Variants in DNHD1 observed in about 807,000 individuals in gnomAD.
DNHD1 encodes the protein dynein heavy chain domain 1, also known as dynein heavy chain domain-containing protein 1.
Under a neutral mutation model 458.1 loss-of-function variants are expected in DNHD1, and 383 were observed. That is an observed-to-expected ratio of 0.84 (90% CI 0.77 to 0.91). The LOEUF is 0.91. Among genes scored for constraint, DNHD1 ranks in the 40% least tolerant of loss-of-function variants. The pLI, the probability that DNHD1 is intolerant of heterozygous loss-of-function variation, is 0.00. For missense variants in DNHD1, 5,336 were observed against 5,866.1 expected, an observed-to-expected ratio of 0.91 and a Z score of 2.95; for synonymous variants, 2,203 against 2,376.9, an observed-to-expected ratio of 0.93 and a Z score of 2.13.
chr11:6,557,886 G>A lies in DNHD1; in HGVS notation c.8591G>A (p.Arg2864Gln), dbSNP rs769765609. 7.6e-5 allele frequency: 118 copies of A among 1,550,948 alleles called. No homozygotes were observed. The highest frequency in any genetic ancestry group is 1.2e-4 in the South Asian group (10 of 84,052). Residue 2864 changes from arginine to glutamine, a missense_variant, in exon 25 of 43, where the codon CGG (arginine) becomes CAG (glutamine). Physicochemically the swap from Arg to Gln is conservative, Grantham distance 43 (BLOSUM62 1). This residue lies in a region of DNHD1 where 3,932 missense variants were observed against 4,365.6 expected (regional missense o/e 0.90). Coordinates refer to ENST00000254579, the MANE Select transcript of DNHD1 (RefSeq NM_144666.3). ...CTGAAGTTGAGCCCCCACCTGGCCCGGTGTCATTCCATGGCCCAGCACGTG... is the reference window on the plus strand; with the variant it reads ...CTGAAGTTGAGCCCCCACCTGGCCCAGTGTCATTCCATGGCCCAGCACGTG... The part of the protein sequence containing the change: ...AQLKLSPHLA[R>Q]CHSMAQHVAR...
intron 10 of DNHD1, among the ~76,000 whole-genome samples, chr11:6,522,599 T>C (rs1331610885): frequency 6.6e-6 from 1 of 152,142 alleles, no homozygotes; most frequent in Admixed American, 6.5e-5. Flanking sequence ...CCTGCACATG[T>C]ACCCCGGAAT....
intron 14 of DNHD1, among the ~76,000 whole-genome samples, chr11:6,537,382 T>C (rs1384305730): frequency 2.6e-5 from 4 of 152,156 alleles, no homozygotes; most frequent in African/African-American, 4.8e-5. Flanking sequence ...TCAACACATA[T>C]TTGTTGAGAG....
chr11:6,543,230 ACCT>A (rs1194906574), intron 18 of DNHD1, among the ~76,000 whole-genome samples: 2 of 151,336 alleles, frequency 1.3e-5, no homozygotes, highest in Admixed American at 1.3e-4. Context: ...GTCTGAATAA[ACCT>A]CCTTTCTTGA....
chr11:6,540,129 CCAT>C, intron 18 of DNHD1, 46 bp downstream of exon 18: 1 of 1,492,762 alleles, frequency 6.7e-7, no homozygotes, highest in Non-Finnish European at 9.1e-7. Context: ...CTGCTGGGGG[CCAT>C]TTTCATCCAC....
intron 37 of DNHD1, 42 bp downstream of exon 37, chr11:6,568,284 C>T: frequency 6.5e-7 from 1 of 1,530,056 alleles, no homozygotes; most frequent in Non-Finnish European, 8.8e-7. Flanking sequence ...TCCTATCCTA[C>T]ACTTGGGCCT....
At chr11:6,520,582 T>C (rs1852586195) in intron 10 of DNHD1, 1 of 1,237,818 alleles carries the variant, frequency 8.1e-7, no homozygotes, top group East Asian at 3.4e-5. Context: ...CTGTGAGGTT[T>C]TTCTCCAGTG....
At position 6,571,994 on chromosome 11, in the gene DNHD1, T is replaced by C; in HGVS notation, c.*8T>C. ...AGCCCACCCCTGTCTTGAGCCCGTC[T>C]ACCAAAATAAAGTTGTAGTGATTCC... On this transcript the variant is annotated 3_prime_UTR_variant, in exon 43 of 43. Coordinates refer to ENST00000254579, the MANE Select transcript of DNHD1 (RefSeq NM_144666.3). The surrounding 1 kb of genome is among the most constrained non-coding windows in gnomAD (Gnocchi z 5.0). 1.9e-6 allele frequency: 3 copies of C among 1,589,970 alleles called. No homozygotes were observed. The highest frequency in any genetic ancestry group is 2.6e-6 in the Non-Finnish European group (3 of 1,164,214).
At position 6,571,410 on chromosome 11, in the gene DNHD1, C is replaced by T. The variant is rs781361371; in HGVS notation, c.13898C>T (p.Pro4633Leu). 5.0e-6 allele frequency: 8 copies of T among 1,599,598 alleles called. No individual in the cohort carries two copies. The Admixed American group carries it at 1.2e-4, about 24-fold the overall frequency. Residue 4633 changes from proline to leucine, a missense_variant, in exon 42 of 43, where the codon CCT (proline) becomes CTT (leucine). By Grantham distance (98) the Pro-to-Leu change is moderately conservative (BLOSUM62 -3). This residue lies in a region of DNHD1 where 698 missense variants were observed against 664.9 expected (regional missense o/e 1.05). Coordinates refer to ENST00000254579, the MANE Select transcript of DNHD1 (RefSeq NM_144666.3). The surrounding 1 kb of genome is among the most constrained non-coding windows in gnomAD (Gnocchi z 5.0). ...QYKRLEMNSN[P>L]LHFRVENGPN... is the part of the protein sequence containing the mutation. ...AAACGTCTGGAGATGAACAGCAACC[C>T]TCTGCACTTCAGGGTATCTTCGCGC...
In DNHD1 at chr11:6,547,220, G is replaced by A. The variant is rs765344594; in HGVS notation, c.6281G>A (p.Trp2094Ter). ...TGTGATGGAGCCTCCAATGGTGCTT[G>A]GCTGGACTCCATCACTTGCCTCCTG... ...IICDGASNGA[W>*]LDSITCLLSE... Residue 2094 changes from tryptophan to a stop codon, truncating the protein, a stop_gained, in exon 21 of 43, where the codon TGG (tryptophan) becomes TAG (stop). Transcript: ENST00000254579. LOFTEE classifies it high-confidence loss of function. 1 of 1,551,766 alleles carries A rather than the reference G, an allele frequency of 6.4e-7. No homozygotes were observed. Among genetic ancestry groups the A allele is most frequent in the Non-Finnish European group, 8.7e-7 (1 of 1,147,018 alleles).
Position 6,498,235 on chromosome 11 carries a change from G to C in DNHD1, c.20G>C (p.Arg7Thr), listed in dbSNP as rs866476144. 1 of 1,613,288 alleles carries C rather than the reference G, an allele frequency of 6.2e-7. No homozygotes were observed. Among genetic ancestry groups the C allele is most frequent in the Non-Finnish European group, 8.5e-7 (1 of 1,179,354 alleles). The change falls in exon 3 of 43, where the codon AGG (arginine) becomes ACG (threonine). Residue 7 changes from arginine (R) to threonine (T), a missense_variant. By Grantham distance (71) the Arg-to-Thr change is moderately conservative (BLOSUM62 -1). Around this residue, in one of 4 missense-constraint regions of DNHD1, gnomAD observed 3,932 missense variants for 4,365.6 expected, o/e 0.90. Coordinates refer to ENST00000254579, the MANE Select transcript of DNHD1 (RefSeq NM_144666.3). MVPEER[R>T]VGLSSDETSS... ...CTCCTCATGGTCCCGGAGGAGAGGA[G>C]GGTAGGTTTGTCTTCTGATGAGACA...
Position 6,546,737 on chromosome 11 carries a change from G to T in DNHD1, c.5798G>T (p.Cys1933Phe), listed in dbSNP as rs776367614. The T allele has an allele frequency of 8.3e-5, 129 of 1,551,670 alleles. No individual in the cohort carries two copies. The highest frequency in any genetic ancestry group is 1.0e-4 in the Non-Finnish European group (119 of 1,147,014). The change falls in exon 21 of 43, where the codon TGT becomes TTT. Residue 1933 changes from cysteine (C) to phenylalanine (F), a missense_variant. This residue lies in a region of DNHD1 where 3,932 missense variants were observed against 4,365.6 expected (regional missense o/e 0.90). Coordinates refer to ENST00000254579, the MANE Select transcript of DNHD1 (RefSeq NM_144666.3). ...LHLHNLRGLL[C>F]ALFPSASQVL... ...CTGCACAACCTCCGAGGGCTGTTGT[G>T]TGCGCTTTTCCCTAGCGCCAGCCAA...
intron 24 of DNHD1, among the ~76,000 whole-genome samples, chr11:6,549,712 C>T (rs910395344): frequency 6.6e-6 from 1 of 152,238 alleles, no homozygotes; most frequent in African/African-American, 2.4e-5. Flanking sequence ...TTATTGTATG[C>T]TTGCCTATCT....
chr11:6,512,416 G>A (rs1472157459), intron 7 of DNHD1, among the ~76,000 whole-genome samples: 3 of 151,582 alleles, frequency 2.0e-5, no homozygotes, highest in African/African-American at 7.3e-5. Flanking sequence ...TAGAGATGGG[G>A]TTTCACTGTG....
At position 6,552,676 on chromosome 11, in the gene DNHD1, G is replaced by A. The variant is rs771071461; in HGVS notation, c.7387+3743G>A. Among the ~76,000 whole-genome samples, 9 of 152,010 alleles carry A rather than the reference G, an allele frequency of 5.9e-5. No individual in the cohort carries two copies. In the South Asian group the frequency reaches 1.9e-3, roughly 31 times the overall value. ...CGGGGGCGGGGTGGGGTGAAGAGATGTACCATCAGAACTTATGAGAAATTG... is the reference window on the plus strand; with the variant it reads ...CGGGGGCGGGGTGGGGTGAAGAGATATACCATCAGAACTTATGAGAAATTG... On this transcript the variant is annotated intron_variant, in intron 24 of 42. Coordinates refer to ENST00000254579, the MANE Select transcript of DNHD1 (RefSeq NM_144666.3).
chr11:6,546,917 C>T lies in DNHD1; in HGVS notation c.5978C>T (p.Pro1993Leu). The T allele has an allele frequency of 6.4e-7, 1 of 1,551,614 alleles. No individual in the cohort carries two copies. Among genetic ancestry groups the T allele is most frequent in the Non-Finnish European group, 8.7e-7 (1 of 1,146,930 alleles). ...SRASGILLLG[P>L]AGSGKTTCWH... ...GCCTCAGGCATTCTGCTCCTGGGCC[C>T]TGCGGGCAGCGGCAAGACCACTTGT... The change falls in exon 21 of 43, where the codon CCT becomes CTT. Residue 1993 changes from proline (P) to leucine (L), a missense_variant. This residue lies in a region of DNHD1 where 3,932 missense variants were observed against 4,365.6 expected (regional missense o/e 0.90). Coordinates refer to ENST00000254579, the MANE Select transcript of DNHD1 (RefSeq NM_144666.3).
intron 6 of DNHD1, 96 bp downstream of exon 6, chr11:6,509,368 A>G: frequency 8.9e-7 from 1 of 1,126,082 alleles, no homozygotes; most frequent in Non-Finnish European, 1.2e-6. Flanking sequence ...AAGATACAAA[A>G]AAGCACTAAG....
chr11:6,520,164 C>T, intron 9 of DNHD1, 62 bp downstream of exon 9: 2 of 1,611,180 alleles, frequency 1.2e-6, no homozygotes, highest in South Asian at 1.1e-5. Flanking sequence ...TCTGAGTAAT[C>T]AGAAGCTCAC....
chr11:6,558,458 G>A lies in DNHD1; in HGVS notation c.9003-27G>A. 1.9e-6 allele frequency: 3 copies of A among 1,550,628 alleles called. No individual in the cohort carries two copies. The South Asian group carries it at 3.6e-5, about 18-fold the overall frequency. On this transcript the variant is annotated intron_variant, in intron 25 of 42. Coordinates refer to ENST00000254579, the MANE Select transcript of DNHD1 (RefSeq NM_144666.3). ...GAGGGGCAAGCAAAGGTAAAGGGGAGGACATTAGCTGAGCCCTGGCCCACA... is the reference window on the plus strand; with the variant it reads ...GAGGGGCAAGCAAAGGTAAAGGGGAAGACATTAGCTGAGCCCTGGCCCACA...
At chr11:6,551,814 A>G (rs182723175) in intron 24 of DNHD1, among the ~76,000 whole-genome samples, 52 of 152,158 alleles carry the variant, frequency 3.4e-4, no homozygotes, top group East Asian at 3.3e-3. Context: ...GGTGGCATGT[A>G]CCTGTAATCA....
Sources: gnomAD v4.1 joint callset for allele counts (sites outside exome capture counted in the v4.1 genomes callset) on GRCh38, gnomAD v4.1.1 for gene constraint, gnomAD v4.1.1 regional missense constraint, Gnocchi (gnomAD v3.1) non-coding constraint, MANE v1.5 for transcripts, NCBI Gene and HGNC (gene_info 2026-07-23, HGNC 2026-07-21) for gene names.